The following HMGXB4 variants were observed in gnomAD, a reference collection of about 807,000 sequenced individuals.
The protein encoded by HMGXB4 is HMG-box containing 4.
HMGXB4 carries 27 observed loss-of-function variants against 63.9 expected under a neutral mutation model. The observed-to-expected ratio is 0.42, with a 90% CI of 0.31 to 0.58. The LOEUF (loss-of-function observed/expected upper bound fraction) is 0.58. Among genes scored for constraint, HMGXB4 ranks in the 20% least tolerant of loss-of-function variants. The pLI is 0.13. For missense variants in HMGXB4, 624 were observed against 700.7 expected, an observed-to-expected ratio of 0.89 and a Z score of 1.24; for synonymous variants, 264 against 265.3, an observed-to-expected ratio of 0.99 and a Z score of 0.05.
Position 35,266,378 on chromosome 22 carries a change from C to T in HMGXB4, c.1215+775C>T, listed in dbSNP as rs1441394580. 2.0e-5 allele frequency among the ~76,000 whole-genome samples: 3 copies of T among 152,096 alleles called. No homozygotes were observed. In the East Asian group the frequency reaches 5.8e-4, roughly 29 times the overall value. Reference sequence around the variant, plus strand: ...TACTTTCTGGTATTCTTTTTAGTGTCGAATATATGTTCTTTTACTGTCTGA... The same window carrying T: ...TACTTTCTGGTATTCTTTTTAGTGTTGAATATATGTTCTTTTACTGTCTGA... On this transcript the variant is annotated intron_variant, in intron 5 of 10. Transcript: ENST00000216106.
intron 5 of HMGXB4, among the ~76,000 whole-genome samples, chr22:35,273,368 A>G (rs1923722651): frequency 6.6e-6 from 1 of 152,184 alleles, no homozygotes; most frequent in African/African-American, 2.4e-5. Flanking sequence ...CTTTGACTCA[A>G]ATTCAGCAGA....
rs759885097 is a variant in HMGXB4, at chr22:35,265,044, C to T, written c.656C>T (p.Thr219Ile). Reference protein sequence around the residue: ...ESFQYPSQQATVKKSSKKSAR... With the variant: ...ESFQYPSQQAIVKKSSKKSAR... ...TTTCAATATCCCTCCCAACAAGCGA[C>T]TGTGAAAAAATCCTCAAAGAAATCA... Residue 219 changes from threonine to isoleucine, a missense_variant, in exon 5 of 11, where the codon ACT (threonine) becomes ATT (isoleucine). Physicochemically the swap from Thr to Ile is moderately conservative, Grantham distance 89. Around this residue, in one of 2 missense-constraint regions of HMGXB4, gnomAD observed 472 missense variants for 470.6 expected, o/e 1.00. Coordinates refer to ENST00000216106, the MANE Select transcript of HMGXB4 (RefSeq NM_001003681.3). 2 of 1,613,864 alleles carry T rather than the reference C, an allele frequency of 1.2e-6. No homozygotes were observed. The highest frequency in any genetic ancestry group is 1.1e-5 in the South Asian group (1 of 91,084).
At chr22:35,247,165 T>C in the HMGXB4 span, among the ~76,000 whole-genome samples, 1 of 152,234 alleles carries the variant, frequency 6.6e-6, no homozygotes, top group Non-Finnish European at 1.5e-5. Context: ...TGTATTCCTA[T>C]AGACTGTCTT....
the HMGXB4 span, among the ~76,000 whole-genome samples, chr22:35,245,445 A>G: frequency 7.3e-6 from 1 of 136,212 alleles, no homozygotes; most frequent in East Asian, 2.1e-4. Context: ...TTCTTTTTTT[A>G]AATCACGTTC....
intron 1 of HMGXB4, 64 bp from the exon 2 acceptor site, chr22:35,262,259 C>T (rs748892548): frequency 3.7e-5 from 33 of 882,748 alleles, no homozygotes; most frequent in African/African-American, 6.6e-5. Flanking sequence ...GCATTTCCAT[C>T]TGGAAGGTTG....
the HMGXB4 span, among the ~76,000 whole-genome samples, chr22:35,248,836 C>T: frequency 6.6e-6 from 1 of 152,148 alleles, no homozygotes; most frequent in Non-Finnish European, 1.5e-5. Flanking sequence ...CACCGGGCCC[C>T]ATCCAATGCT....
intron 5 of HMGXB4, among the ~76,000 whole-genome samples, chr22:35,280,933 C>T (rs547861692): frequency 3.3e-5 from 5 of 152,218 alleles, no homozygotes; most frequent in Non-Finnish European, 5.9e-5. Flanking sequence ...TCCCATAGCA[C>T]CCAATGCTTT....
At chr22:35,244,642 C>A in the HMGXB4 span, among the ~76,000 whole-genome samples, 1 of 152,110 alleles carries the variant, frequency 6.6e-6, no homozygotes, top group African/African-American at 2.4e-5. Flanking sequence ...GTGTTTTTAC[C>A]TTTCCCAGCA....
At position 35,288,302 on chromosome 22, in the gene HMGXB4, C is replaced by A. The variant is rs751847470; in HGVS notation, c.1533C>A (p.Ala511=). The change falls in exon 9 of 11, where the codon GCC becomes GCA. Residue 511 remains alanine (A), a synonymous_variant. Transcript: ENST00000216106. ...CACCCACCACCATGCTGTTACCAGCCTCACCAGCCAAAGCCCCTGAGACAG... is the reference window on the plus strand; with the variant it reads ...CACCCACCACCATGCTGTTACCAGCATCACCAGCCAAAGCCCCTGAGACAG... ...KSPPTTMLLP[A]SPAKAPETEP... is the part of the protein sequence containing the mutation. 10 of 1,612,404 alleles carry A rather than the reference C, an allele frequency of 6.2e-6. No individual in the cohort carries two copies. In the Admixed American group the frequency reaches 1.7e-4, roughly 27 times the overall value.
intron 6 of HMGXB4, among the ~76,000 whole-genome samples, chr22:35,284,867 G>A (rs1924468654): frequency 6.6e-6 from 1 of 152,118 alleles, no homozygotes; most frequent in Non-Finnish European, 1.5e-5. Context: ...GTGTAAAATC[G>A]CTGCCCTACC....
upstream of HMGXB4, among the ~76,000 whole-genome samples, chr22:35,255,435 A>G (rs1008213590): frequency 6.6e-6 from 1 of 152,198 alleles, no homozygotes; most frequent in Non-Finnish European, 1.5e-5. Flanking sequence ...GGATTGCTTG[A>G]ACTCAGGGGG....
the HMGXB4 span, among the ~76,000 whole-genome samples, chr22:35,246,517 C>G: frequency 1.3e-5 from 2 of 152,182 alleles, no homozygotes; most frequent in African/African-American, 4.8e-5. Context: ...TCGTGTTCCA[C>G]CTGCCTCGGC....
At chr22:35,242,995 A>G in the HMGXB4 span, among the ~76,000 whole-genome samples, 1 of 152,166 alleles carries the variant, frequency 6.6e-6, no homozygotes, top group African/African-American at 2.4e-5. Context: ...TTGTCTCTGT[A>G]TGATTTCTTT....
intron 5 of HMGXB4, among the ~76,000 whole-genome samples, chr22:35,267,100 TTATATC>T (rs966295401): frequency 4.1e-5 from 2 of 49,262 alleles, no homozygotes; most frequent in African/African-American, 6.3e-5. Flanking sequence ...ATCTATCTGT[TTATATC>T]TATCTGTAGA....
At chr22:35,258,933 G>A (rs188442354) in intron 1 of HMGXB4, among the ~76,000 whole-genome samples, 9 of 152,248 alleles carry the variant, frequency 5.9e-5, no homozygotes, top group Admixed American at 5.9e-4. Flanking sequence ...TTACATTATG[G>A]GGTGAAGAAG....
At chr22:35,284,173 G>T in intron 6 of HMGXB4, 130 bp downstream of exon 6, 1 of 645,930 alleles carries the variant, frequency 1.5e-6, no homozygotes. Context: ...AATCACTTTA[G>T]ATTTTGCCTT....
chr22:35,244,237 T>C, the HMGXB4 span, among the ~76,000 whole-genome samples: 1 of 152,050 alleles, frequency 6.6e-6, no homozygotes, highest in African/African-American at 2.4e-5. Flanking sequence ...ACCCTGATCA[T>C]TTTATTTTCA....
At chr22:35,278,009 A>G (rs368081629) in intron 5 of HMGXB4, among the ~76,000 whole-genome samples, 12 of 152,204 alleles carry the variant, frequency 7.9e-5, no homozygotes, top group African/African-American at 2.9e-4. Context: ...CCTGTGGTCC[A>G]CCTATTCATT....
rs1479067299 is a variant in HMGXB4 at position 35,293,733 on chromosome 22, G to A, written c.*82G>A. ...TATGACTGTTGCAGATTCCTTCAGT[G>A]GCCTCTGGCTGTAGGTTTTAAATTT... On this transcript the variant is annotated 3_prime_UTR_variant, in exon 11 of 11. Coordinates refer to ENST00000216106, the MANE Select transcript of HMGXB4 (RefSeq NM_001003681.3). 3.0e-6 allele frequency: 3 copies of A among 989,964 alleles called. No individual in the cohort carries two copies. Among genetic ancestry groups the A allele is most frequent in the Non-Finnish European group, 4.8e-6 (3 of 629,882 alleles). The allele number at this position is 989,964 out of a possible 1,614,324, so 61.3% of individuals were successfully genotyped here.
Sources: allele counts gnomAD v4.1 joint callset (sites outside exome capture counted in the v4.1 genomes callset), GRCh38; gene constraint gnomAD v4.1.1; regional missense constraint gnomAD v4.1.1; transcripts MANE v1.5; gene names NCBI Gene and HGNC (gene_info 2026-07-23, HGNC 2026-07-21).